RAB11FIP5: variants seen among roughly 807,000 people sequenced by gnomAD.
RAB11FIP5 encodes the protein rab11 family-interacting protein 5.
A neutral mutation model predicts 85.1 loss-of-function variants in RAB11FIP5; 48 were observed. That is an observed-to-expected ratio of 0.56 (90% CI 0.45 to 0.72). The LOEUF (loss-of-function observed/expected upper bound fraction) is 0.72. RAB11FIP5 is among the 30% of genes least tolerant of loss of function. RAB11FIP5 has a pLI of 0.00. For missense variants in RAB11FIP5, 1,491 were observed against 1,687.0 expected (o/e 0.88, Z 2.04); for synonymous variants, 729 against 727.3 (o/e 1.00, Z -0.04).
intron 1 of RAB11FIP5, among the ~76,000 whole-genome samples, chr2:73,092,960 T>C (rs1684245867): frequency 6.6e-6 from 1 of 152,166 alleles, no homozygotes; most frequent in Non-Finnish European, 1.5e-5. Context: ...CCCAGAAGTA[T>C]GGCCTACATG....
rs545372585 is a variant in RAB11FIP5, at chr2:73,078,851, C to A, written c.3581+800G>T. Among the ~76,000 whole-genome samples the A allele has an allele frequency of 6.6e-6, 1 of 152,292 alleles. No individual in the cohort carries two copies. Among genetic ancestry groups the A allele is most frequent in the African/African-American group, 2.4e-5 (1 of 41,554 alleles). ...CCTCCCAGTGCCCTGAGTCTCCAGG[C>A]CTCTGCCCACATCACCCCTGACCAG... On this transcript the variant is annotated intron_variant, in intron 4 of 5. Transcript: ENST00000486777. This position sits in a 1 kb window ranked among gnomAD's most constrained non-coding sequence, Gnocchi z 4.4.
rs756872929 is a variant in RAB11FIP5 at position 73,112,363 on chromosome 2, G to T, written c.415C>A (p.Arg139Ser). 1 of 1,589,608 alleles carries T rather than the reference G, an allele frequency of 6.3e-7. No individual in the cohort carries two copies. Among genetic ancestry groups the T allele is most frequent in the Non-Finnish European group, 8.5e-7 (1 of 1,173,710 alleles). ...VALDEVFGAGRAQHTQWYKLH... is the reference protein window; with the variant it reads ...VALDEVFGAGSAQHTQWYKLH... ...CCTACTCACTGCGTGTGCTGGGCGC[G>T]GCCTGCGCCGAAGACCTCGTCCAGC... Residue 139 changes from arginine (R) to serine (S), a missense_variant, in exon 1 of 6, where the codon CGC (arginine) becomes AGC (serine). Arg to Ser is a moderately radical substitution (Grantham distance 110, BLOSUM62 -1). Transcript: ENST00000486777.
chr2:73,112,505 G>C lies in RAB11FIP5; in HGVS notation c.273C>G (p.Ala91=). The C allele has an allele frequency of 6.7e-7, 1 of 1,497,194 alleles. No homozygotes were observed. The highest frequency in any genetic ancestry group is 8.9e-7 in the Non-Finnish European group (1 of 1,125,546). The allele number at this position is 1,497,194 out of a possible 1,614,324, so 92.7% of individuals were successfully genotyped here. A position where few individuals can be genotyped will look rare whatever the true frequency, so the allele number is the denominator to read the frequency against. ...CGGCCCAGGGCGCCGGGCCCGCGTC[G>C]GCCTCCTGCGCCCGCAGCAGGCCAT... ...ALDGLLRAQE[A]DAGPAPWAAS... The change falls in exon 1 of 6, where the codon GCC becomes GCG. Residue 91 remains alanine (A), a synonymous_variant. Transcript: ENST00000486777.
intron 1 of RAB11FIP5, among the ~76,000 whole-genome samples, chr2:73,110,479 T>TCCC (rs371852247): frequency 0.016 from 2,398 of 150,340 alleles, 23 homozygotes; most frequent in East Asian, 0.028. Flanking sequence ...CCACTCCTGT[T>TCCC]CCCCCCCCGG....
intron 3 of RAB11FIP5, among the ~76,000 whole-genome samples, chr2:73,085,501 G>C (rs916532962): frequency 2.0e-5 from 3 of 152,170 alleles, no homozygotes; most frequent in Non-Finnish European, 2.9e-5. Flanking sequence ...CACACGTGAA[G>C]TAGCCTGTGC....
chr2:73,092,815 G>C (rs1335574424), intron 1 of RAB11FIP5, among the ~76,000 whole-genome samples: 1 of 152,174 alleles, frequency 6.6e-6, no homozygotes, highest in East Asian at 1.9e-4. Context: ...CTGGACCCCA[G>C]CTGCCATCAC....
rs758076621 is a variant in RAB11FIP5, at chr2:73,088,934, G to T, written c.813C>A (p.Gly271=). The T allele has an allele frequency of 5.0e-6, 8 of 1,604,596 alleles. No homozygotes were observed. The highest frequency in any genetic ancestry group is 2.7e-5 in the African/African-American group (2 of 74,750). The part of the protein sequence containing the change: ...ASGSLAYQGP[G]AELLTRSPSR... The stretch of plus-strand genomic sequence containing the variant: ...TTGGTGAGCGGGTGAGGAGTTCGGC[G>T]CCAGGTCCCTGGTAGGCCAAGCTCC... The change falls in exon 2 of 6, where the codon GGC becomes GGA. Residue 271 remains glycine (G), a synonymous_variant. Coordinates refer to ENST00000486777, the MANE Select transcript of RAB11FIP5 (RefSeq NM_001371272.1).
chr2:73,083,523 G>A (rs747438808), intron 3 of RAB11FIP5, among the ~76,000 whole-genome samples: 13 of 152,164 alleles, frequency 8.5e-5, no homozygotes, highest in Non-Finnish European at 5.9e-5. Flanking sequence ...AAAGATGGAG[G>A]GAGAGGGAGG....
At chr2:73,076,272 T>C in intron 4 of RAB11FIP5, 90 bp from the exon 5 acceptor site, 1 of 1,264,968 alleles carries the variant, frequency 7.9e-7, no homozygotes, top group East Asian at 2.3e-5. Flanking sequence ...CCTCCAGGTC[T>C]GCTGGACAGA....
rs1683899306 is a variant in RAB11FIP5, at chr2:73,078,206, TG to T, written c.3581+1444del. Among the ~76,000 whole-genome samples the T allele has an allele frequency of 6.6e-6, 1 of 152,168 alleles. No individual in the cohort carries two copies. Among genetic ancestry groups the T allele is most frequent in the Admixed American group, 6.5e-5 (1 of 15,282 alleles). ...AATGAGGGGCCAGGAGGCCTTGGCT[TG>T]TTTGCCCCCTTACATCAGAGGGATC... On this transcript the variant is annotated intron_variant, in intron 4 of 5. Transcript: ENST00000486777. The surrounding 1 kb of genome is among the most constrained non-coding windows in gnomAD (Gnocchi z 4.4).
chr2:73,112,435 G>A lies in RAB11FIP5; in HGVS notation c.343C>T (p.Arg115Cys). ...ACELVLTTMH[R>C]SLIGVDKFLG... ...AACTTGTCGACGCCGATGAGCGAGCGGTGCATGGTGGTGAGCACCAGCTCG... is the reference window on the plus strand; with the variant it reads ...AACTTGTCGACGCCGATGAGCGAGCAGTGCATGGTGGTGAGCACCAGCTCG... Residue 115 changes from arginine to cysteine, a missense_variant, in exon 1 of 6, where the codon CGC (arginine) becomes TGC (cysteine). Physicochemically the swap from Arg to Cys is radical, Grantham distance 180. Around this residue, in one of 3 missense-constraint regions of RAB11FIP5, gnomAD observed 1,211 missense variants for 1,338.0 expected, o/e 0.91. Transcript: ENST00000486777. 2 of 1,565,108 alleles carry A rather than the reference G, an allele frequency of 1.3e-6. No homozygotes were observed. Among genetic ancestry groups the A allele is most frequent in the Non-Finnish European group, 1.7e-6 (2 of 1,161,678 alleles).
At chr2:73,084,071 T>G (rs963223853) in intron 3 of RAB11FIP5, 15 of 152,134 alleles carry the variant, frequency 9.9e-5, no homozygotes, top group African/African-American at 3.4e-4. Context: ...CAGGTTAGGC[T>G]CGGCAACCTC....
At chr2:73,110,486 C>CG (rs1382122741) in intron 1 of RAB11FIP5, among the ~76,000 whole-genome samples, 3 of 151,930 alleles carry the variant, frequency 2.0e-5, no homozygotes, top group Non-Finnish European at 2.9e-5. Context: ...TGTTCCCCCC[C>CG]CGGTTCTATA....
rs1683960540 is a variant in RAB11FIP5, at chr2:73,080,791, T to G, written c.2441A>C (p.Glu814Ala). The G allele has an allele frequency of 1.6e-6, 2 of 1,232,428 alleles. No individual in the cohort carries two copies. Among genetic ancestry groups the G allele is most frequent in the Non-Finnish European group, 1.0e-6 (1 of 988,112 alleles). 76.3% of individuals were successfully genotyped at this position (1,232,428 alleles called of 1,614,324 possible). A position where few individuals can be genotyped will look rare whatever the true frequency, so the allele number is the denominator to read the frequency against. The change falls in exon 4 of 6, where the codon GAG becomes GCG. Residue 814 changes from glutamate (E) to alanine (A), a missense_variant. This residue lies in a region of RAB11FIP5 where 1,211 missense variants were observed against 1,338.0 expected (regional missense o/e 0.91). Coordinates refer to ENST00000486777, the MANE Select transcript of RAB11FIP5 (RefSeq NM_001371272.1). ...AAGCTGATTTTCGCCTCGGGAGGAC[T>G]CATCGTCCTGGCCCTCAGCAGCGCT... is the stretch of plus-strand genomic sequence containing the variant. ...PESAAEGQDD[E>A]SSRGENQLCP...
rs1449259930 is a variant in RAB11FIP5 at position 73,080,647 on chromosome 2, A to G, written c.2585T>C (p.Val862Ala). 4.1e-6 allele frequency: 5 copies of G among 1,232,202 alleles called. No individual in the cohort carries two copies. In the East Asian group the frequency reaches 9.5e-5, roughly 23 times the overall value. The allele number at this position is 1,232,202 out of a possible 1,614,324, so 76.3% of individuals were successfully genotyped here. ...CACAGTTTCTGGTGATTCAGGCTGC[A>G]CCTGGGGAGCAGGCTCATCAGACTC... ...RGESDEPAPQ[V>A]QPESPETVSP... The change falls in exon 4 of 6, where the codon GTG becomes GCG. Residue 862 changes from valine (V) to alanine (A), a missense_variant. Coordinates refer to ENST00000486777, the MANE Select transcript of RAB11FIP5 (RefSeq NM_001371272.1).
chr2:73,081,040 T>C lies in RAB11FIP5; in HGVS notation c.2192A>G (p.Asn731Ser), dbSNP rs774837145. The C allele has an allele frequency of 2.8e-5, 34 of 1,232,488 alleles. No individual in the cohort carries two copies. The highest frequency in any genetic ancestry group is 3.4e-5 in the Non-Finnish European group (34 of 988,318). 76.3% of individuals were successfully genotyped at this position (1,232,488 alleles called of 1,614,324 possible). Residue 731 changes from asparagine to serine, a missense_variant, in exon 4 of 6, where the codon AAC becomes AGC. By Grantham distance (46) the Asn-to-Ser change is conservative. Coordinates refer to ENST00000486777, the MANE Select transcript of RAB11FIP5 (RefSeq NM_001371272.1). This position sits in a 1 kb window ranked among gnomAD's most constrained non-coding sequence, Gnocchi z 4.2. ...EPRVPLDLGP[N>S]HQSASAADPG... ...GTCAGCCGCGCTCGCGCTCTGGTGG[T>C]TCGGTCCCAAGTCCAGAGGAACCCT...
chr2:73,106,576 C>T (rs1684531234), intron 1 of RAB11FIP5, among the ~76,000 whole-genome samples: 2 of 152,208 alleles, frequency 1.3e-5, no homozygotes, highest in African/African-American at 4.8e-5. Flanking sequence ...CCTTCCAGGT[C>T]AGCAGAGAAG....
At chr2:73,102,462 C>G (rs981578357) in intron 1 of RAB11FIP5, among the ~76,000 whole-genome samples, 1 of 152,154 alleles carries the variant, frequency 6.6e-6, no homozygotes, top group Non-Finnish European at 1.5e-5. Flanking sequence ...GCAGCAGCAG[C>G]TAAGGTAACA....
intron 1 of RAB11FIP5, among the ~76,000 whole-genome samples, chr2:73,107,371 G>A (rs1449757718): frequency 6.6e-6 from 1 of 152,214 alleles, no homozygotes; most frequent in Non-Finnish European, 1.5e-5. Flanking sequence ...GCACTGAGGT[G>A]GCAGCAGTGA....
Sources: gnomAD v4.1 joint callset for allele counts (sites outside exome capture counted in the v4.1 genomes callset) on GRCh38, gnomAD v4.1.1 for gene constraint, gnomAD v4.1.1 regional missense constraint, Gnocchi (gnomAD v3.1) non-coding constraint, MANE v1.5 for transcripts, NCBI Gene and HGNC (gene_info 2026-07-23, HGNC 2026-07-21) for gene names.